Variants in RTN4RL1 observed in about 807,000 individuals in gnomAD.
The protein encoded by RTN4RL1 is reticulon 4 receptor like 1, also known as reticulon-4 receptor-like 1.
RTN4RL1 carries 7 observed loss-of-function variants against 25.6 expected under a neutral mutation model. That is an observed-to-expected ratio of 0.27 (90% CI 0.16 to 0.51). RTN4RL1 has a LOEUF of 0.51. Among genes scored for constraint, RTN4RL1 ranks in the 20% least tolerant of loss-of-function variants. The pLI, the probability that RTN4RL1 is intolerant of heterozygous loss-of-function variation, is 0.97. For synonymous variants in RTN4RL1, 297 were observed against 288.2 expected (o/e 1.03, Z -0.31); for missense variants, 500 against 615.6 (o/e 0.81, Z 1.99).
chr17:1,973,034 G>A (rs2066827218), intron 1 of RTN4RL1, among the ~76,000 whole-genome samples: 1 of 152,124 alleles, frequency 6.6e-6, no homozygotes, highest in African/African-American at 2.4e-5. Flanking sequence ...CATGTTGCAC[G>A]AAATCTGTGG....
At chr17:1,986,531 A>G (rs2066888010) in intron 1 of RTN4RL1, among the ~76,000 whole-genome samples, 1 of 152,098 alleles carries the variant, frequency 6.6e-6, no homozygotes, top group Admixed American at 6.6e-5. Flanking sequence ...TCCTTATAAG[A>G]GACAGAAGAG....
intron 1 of RTN4RL1, among the ~76,000 whole-genome samples, chr17:1,984,724 C>T (rs1036206548): frequency 3.9e-5 from 6 of 152,166 alleles, no homozygotes; most frequent in East Asian, 1.9e-4. Context: ...CCCAGCACTT[C>T]GGGAGACCGA....
chr17:1,962,033 G>T (rs1251510440), intron 1 of RTN4RL1, among the ~76,000 whole-genome samples: 1 of 151,394 alleles, frequency 6.6e-6, no homozygotes, highest in African/African-American at 2.4e-5. Context: ...TATAATCCCA[G>T]TGCTTTGGGA....
chr17:1,977,520 G>T (rs956309962), intron 1 of RTN4RL1, among the ~76,000 whole-genome samples: 1 of 152,038 alleles, frequency 6.6e-6, no homozygotes, highest in Non-Finnish European at 1.5e-5. Flanking sequence ...GCCCAGTGCC[G>T]CCCCCCACCC....
In RTN4RL1 at chr17:1,952,294, G is replaced by A. The variant is rs547267452; in HGVS notation, c.14-14486C>T. Among the ~76,000 whole-genome samples the A allele has an allele frequency of 9.2e-5, 14 of 151,736 alleles. No homozygotes were observed. The South Asian group carries it at 2.7e-3, about 29-fold the overall frequency. On this transcript the variant is annotated intron_variant, in intron 1 of 1. Coordinates refer to ENST00000331238, the MANE Select transcript of RTN4RL1 (RefSeq NM_178568.4). ...TTGCCATGAGGGGCAGCGGAGAAAC[G>A]GGGCTGGACTTGGAGGGGCATGGGT... is the stretch of plus-strand genomic sequence containing the variant.
At chr17:1,976,413 G>A (rs1276763019) in intron 1 of RTN4RL1, among the ~76,000 whole-genome samples, 2 of 152,258 alleles carry the variant, frequency 1.3e-5, no homozygotes, top group Non-Finnish European at 2.9e-5. Context: ...TTCACTGTAA[G>A]GTTTGCTAAG....
At chr17:2,024,031 G>A (rs1474549626) in intron 1 of RTN4RL1, among the ~76,000 whole-genome samples, 2 of 152,136 alleles carry the variant, frequency 1.3e-5, no homozygotes, top group East Asian at 3.9e-4. Context: ...CTCCCGGCGT[G>A]ATCACCTGCC....
intron 1 of RTN4RL1, among the ~76,000 whole-genome samples, chr17:1,956,861 C>T (rs1173768077): frequency 1.3e-5 from 2 of 151,866 alleles, no homozygotes; most frequent in African/African-American, 4.8e-5. Context: ...CCTTCGTCAG[C>T]ACTCCCCGAG....
chr17:1,945,678 T>C (rs1356697454), intron 1 of RTN4RL1, among the ~76,000 whole-genome samples: 1 of 152,134 alleles, frequency 6.6e-6, no homozygotes, highest in Non-Finnish European at 1.5e-5. Context: ...CCCACAGCAT[T>C]CCCCCTCTTC....
In RTN4RL1 at chr17:1,937,581, G is replaced by C. The variant is rs1356039622; in HGVS notation, c.241C>G (p.Leu81Val). The C allele has an allele frequency of 6.2e-7, 1 of 1,613,938 alleles. No individual in the cohort carries two copies. The highest frequency in any genetic ancestry group is 1.1e-5 in the South Asian group (1 of 91,076). Residue 81 changes from leucine to valine, a missense_variant, in exon 2 of 2, where the codon CTG (leucine) becomes GTG (valine). Transcript: ENST00000331238. ...GTGATGTTGTTCGAGTAGATCCACA[G>C]GGTGACCATGGCGGGGCTGAAGTGG... ...PGHFSPAMVT[L>V]WIYSNNITYI...
rs1475339355 is a variant in RTN4RL1 at position 1,994,116 on chromosome 17, T to G, written c.13+30737A>C. Among the ~76,000 whole-genome samples, 5 of 151,984 alleles carry G rather than the reference T, an allele frequency of 3.3e-5. No homozygotes were observed. The highest frequency in any genetic ancestry group is 1.2e-4 in the African/African-American group (5 of 41,360). ...AACCTCGCCGCTCCGGGTCCCAATC[T>G]GTGGATTGCTTTCCCCAGTCTCTGG... On this transcript the variant is annotated intron_variant, in intron 1 of 1. Transcript: ENST00000331238. The surrounding 1 kb of genome is among the most constrained non-coding windows in gnomAD (Gnocchi z 4.3).
At chr17:1,990,186 C>A (rs935264258) in intron 1 of RTN4RL1, among the ~76,000 whole-genome samples, 24 of 151,946 alleles carry the variant, frequency 1.6e-4, no homozygotes, top group African/African-American at 5.3e-4. Context: ...ACGGTGAAAC[C>A]CCATCTCTGC....
At chr17:2,023,917 G>T (rs1363311378) in intron 1 of RTN4RL1, among the ~76,000 whole-genome samples, 1 of 149,914 alleles carries the variant, frequency 6.7e-6, no homozygotes. Flanking sequence ...CTCCTGGCCG[G>T]GCCAGGCGCG....
At chr17:2,012,606 TA>T in intron 1 of RTN4RL1, among the ~76,000 whole-genome samples, 1 of 152,066 alleles carries the variant, frequency 6.6e-6, no homozygotes, top group East Asian at 1.9e-4. Context: ...GTTTTTTTTT[TA>T]AGCCCTAGAT....
At chr17:2,012,836 C>T (rs1230471155) in intron 1 of RTN4RL1, among the ~76,000 whole-genome samples, 4 of 151,828 alleles carry the variant, frequency 2.6e-5, no homozygotes, top group Admixed American at 2.6e-4. Flanking sequence ...CTCTGTCACC[C>T]AGGCTGGAGT....
intron 1 of RTN4RL1, among the ~76,000 whole-genome samples, chr17:1,969,018 G>T (rs372932580): frequency 6.8e-6 from 1 of 147,502 alleles, no homozygotes; most frequent in South Asian, 2.1e-4. Flanking sequence ...CCAATCTGCT[G>T]TCTACAAGTC....
intron 1 of RTN4RL1, among the ~76,000 whole-genome samples, chr17:1,958,079 G>A (rs188907659): frequency 3.3e-5 from 5 of 151,406 alleles, no homozygotes; most frequent in Admixed American, 6.6e-5. Context: ...TGTAGTCCCC[G>A]CTACTTGAGA....
In RTN4RL1 at chr17:1,980,229, A is replaced by AT. The variant is rs1320338118; in HGVS notation, c.14-42422_14-42421insA. Among the ~76,000 whole-genome samples the AT allele has an allele frequency of 4.6e-4, 53 of 114,512 alleles. 1 individual carries two copies. Among genetic ancestry groups the AT allele is most frequent in the African/African-American group, 1.7e-3 (52 of 31,046 alleles). The allele number at this position is 114,512 out of a possible 152,430, so 75.1% of individuals were successfully genotyped here. On this transcript the variant is annotated intron_variant, in intron 1 of 1. Coordinates refer to ENST00000331238, the MANE Select transcript of RTN4RL1 (RefSeq NM_178568.4). The stretch of plus-strand genomic sequence containing the variant: ...CAAGCTCGTGCCACCACGCTCAGCT[A>AT]ATTTTTTTTTTTTTTTTTTTTAGTA...
chr17:2,003,336 G>A (rs2066971740), intron 1 of RTN4RL1: 1 of 152,212 alleles, frequency 6.6e-6, no homozygotes, highest in Admixed American at 6.5e-5. Context: ...TCTACGGTGA[G>A]GAGAAAGGCC....
Sources: gnomAD v4.1 joint callset for allele counts (sites outside exome capture counted in the v4.1 genomes callset) on GRCh38, gnomAD v4.1.1 for gene constraint, Gnocchi (gnomAD v3.1) non-coding constraint, MANE v1.5 for transcripts, NCBI Gene and HGNC (gene_info 2026-07-23, HGNC 2026-07-21) for gene names.